CEP120: variants seen among roughly 807,000 people sequenced by gnomAD.
CEP120 encodes centrosomal protein of 120 kDa.
Under a neutral mutation model 126.5 loss-of-function variants are expected in CEP120, and 113 were observed. The ratio of observed to expected loss-of-function variants is 0.89; its 90% CI spans 0.77 to 1.04. CEP120 has a LOEUF of 1.04. Among genes scored for constraint, CEP120 ranks in the 50% least tolerant of loss-of-function variants. CEP120 has a pLI of 0.00. For missense variants in CEP120, 1,230 were observed against 1,155.7 expected, an observed-to-expected ratio of 1.06 and a Z score of -0.93; for synonymous variants, 400 against 394.3, an observed-to-expected ratio of 1.01 and a Z score of -0.17.
chr5:123,390,135 T>C lies in CEP120; in HGVS notation c.1044A>G (p.Leu348=), dbSNP rs755566595. The change falls in exon 8 of 20, where the codon TTA becomes TTG. Residue 348 remains leucine (L), a synonymous_variant. Transcript: ENST00000306467. ...LQREGIDSQS[L]IELKTQNEHE... ...GTTCATTCTGGGTCTTTAATTCAAT[T>C]AAAGACTAAAAACAATTTTTAAATA... 4 of 1,596,556 alleles carry C rather than the reference T, an allele frequency of 2.5e-6. No homozygotes were observed. The highest frequency in any genetic ancestry group is 1.7e-5 in the Admixed American group (1 of 57,454).
chr5:123,378,289 A>G, intron 15 of CEP120, 47 bp downstream of exon 15: 2 of 1,414,890 alleles, frequency 1.4e-6, no homozygotes, highest in Non-Finnish European at 1.9e-6. Flanking sequence ...CTACTTTGCA[A>G]TAAACCCCTC....
intron 18 of CEP120, among the ~76,000 whole-genome samples, chr5:123,361,083 CACTGTTCCCCTT>C: frequency 6.6e-6 from 1 of 151,778 alleles, no homozygotes; most frequent in South Asian, 2.1e-4. Flanking sequence ...CAATAGCTAA[CACTGTTCCCCTT>C]TTCAGCTGAT....
At position 123,346,430 on chromosome 5, in the gene CEP120, T is replaced by C. The variant is rs1768819565; in HGVS notation, c.*89A>G. 1.0e-6 allele frequency: 1 copy of C among 984,598 alleles called. No individual in the cohort carries two copies. Among genetic ancestry groups the C allele is most frequent in the African/African-American group, 1.6e-5 (1 of 61,142 alleles). The allele number at this position is 984,598 out of a possible 1,614,324, so 61.0% of individuals were successfully genotyped here. A position where few individuals can be genotyped will look rare whatever the true frequency, so the allele number is the denominator to read the frequency against. On this transcript the variant is annotated 3_prime_UTR_variant, in exon 20 of 20. Coordinates refer to ENST00000306467, the MANE Select transcript of CEP120 (RefSeq NM_001375405.1). Reference sequence around the variant, plus strand: ...CTTATAAAAAATTGAAAATACCATTTTAAAACATCCATTTTCCTCACTTTT... The same window carrying C: ...CTTATAAAAAATTGAAAATACCATTCTAAAACATCCATTTTCCTCACTTTT...
Position 123,364,528 on chromosome 5 carries a change from G to C in CEP120, c.2548C>G (p.Arg850Gly), listed in dbSNP as rs772596480. 1 of 1,606,540 alleles carries C rather than the reference G, an allele frequency of 6.2e-7. No homozygotes were observed. The highest frequency in any genetic ancestry group is 8.5e-7 in the Non-Finnish European group (1 of 1,175,122). The change falls in exon 18 of 20, where the codon CGA (arginine) becomes GGA (glycine). Residue 850 changes from arginine (R) to glycine (G), a missense_variant. Arg to Gly is a moderately radical substitution (Grantham distance 125). Coordinates refer to ENST00000306467, the MANE Select transcript of CEP120 (RefSeq NM_001375405.1). ...AGTCTGGCAAGTTCTTTCAAAGCTC[G>C]TCCCCACTGCTGCTTGTAATGCAGT... is the stretch of plus-strand genomic sequence containing the variant. The part of the protein sequence containing the change: ...SKLHYKQQWG[R>G]ALKELARLKQ...
intron 18 of CEP120, among the ~76,000 whole-genome samples, chr5:123,355,545 A>G (rs2126979716): frequency 6.6e-6 from 1 of 152,304 alleles, no homozygotes; most frequent in Middle Eastern, 3.4e-3. Context: ...AGTGATGATG[A>G]GCATTTTTTC....
chr5:123,368,238 A>G (rs1269407911), intron 17 of CEP120, among the ~76,000 whole-genome samples: 1 of 151,974 alleles, frequency 6.6e-6, no homozygotes, highest in Non-Finnish European at 1.5e-5. Flanking sequence ...GGGATGAATA[A>G]GATAACACCT....
At chr5:123,420,304 G>C (rs1184157357) in intron 1 of CEP120, among the ~76,000 whole-genome samples, 5 of 152,174 alleles carry the variant, frequency 3.3e-5, no homozygotes, top group African/African-American at 7.2e-5. Context: ...ACAAACAGAT[G>C]CCTGCCTTGC....
intron 17 of CEP120, among the ~76,000 whole-genome samples, chr5:123,372,166 G>C (rs958412897): frequency 6.6e-6 from 1 of 152,020 alleles, no homozygotes; most frequent in African/African-American, 2.4e-5. Flanking sequence ...TCCTATCTAG[G>C]ACATTGAATC....
chr5:123,371,321 A>C (rs1000515361), intron 17 of CEP120, among the ~76,000 whole-genome samples: 12 of 152,098 alleles, frequency 7.9e-5, no homozygotes, highest in African/African-American at 2.9e-4. Flanking sequence ...GTAGAAGGCA[A>C]GGAGGAGCAA....
chr5:123,370,170 G>A (rs1199052034), intron 17 of CEP120, among the ~76,000 whole-genome samples: 1 of 151,322 alleles, frequency 6.6e-6, no homozygotes, highest in South Asian at 2.1e-4. Context: ...GGAAAGTTTA[G>A]AATCTAGGTT....
intron 5 of CEP120, among the ~76,000 whole-genome samples, chr5:123,395,051 T>C (rs1772682526): frequency 1.3e-5 from 2 of 152,250 alleles, no homozygotes; most frequent in Non-Finnish European, 2.9e-5. Flanking sequence ...GTGATTATTC[T>C]GGAGGGGTTT....
chr5:123,409,280 T>C (rs1773884943), intron 4 of CEP120, among the ~76,000 whole-genome samples: 1 of 152,186 alleles, frequency 6.6e-6, no homozygotes, highest in South Asian at 2.1e-4. Flanking sequence ...GGAAACTTCC[T>C]CAACTTAATA....
intron 14 of CEP120, among the ~76,000 whole-genome samples, chr5:123,381,768 T>G (rs1580682597): frequency 8.3e-6 from 1 of 120,558 alleles, no homozygotes; most frequent in Non-Finnish European, 1.9e-5. Flanking sequence ...CACACACATA[T>G]TTTTTTTTAA....
intron 4 of CEP120, among the ~76,000 whole-genome samples, chr5:123,406,965 T>C (rs563908429): frequency 1.3e-5 from 2 of 152,084 alleles, no homozygotes; most frequent in African/African-American, 4.8e-5. Context: ...GGATTAGTAA[T>C]ATTTTATTTT....
chr5:123,345,266 G>T lies in CEP120; in HGVS notation c.*1253C>A, dbSNP rs1768728152. On this transcript the variant is annotated 3_prime_UTR_variant, in exon 20 of 20. Coordinates refer to ENST00000306467, the MANE Select transcript of CEP120 (RefSeq NM_001375405.1). ...TTATTTTTTACTAGATTAATACTCTGTTAATAAGGAAAAAATATATAATAA... is the reference window on the plus strand; with the variant it reads ...TTATTTTTTACTAGATTAATACTCTTTTAATAAGGAAAAAATATATAATAA... The T allele has an allele frequency of 6.6e-6, 1 of 151,748 alleles. No homozygotes were observed. The highest frequency in any genetic ancestry group is 1.5e-5 in the Non-Finnish European group (1 of 67,936). 9.4% of individuals were successfully genotyped at this position (151,748 alleles called of 1,614,324 possible).
intron 4 of CEP120, chr5:123,403,069 T>C (rs2127102116): frequency 1.1e-5 from 3 of 273,760 alleles, no homozygotes; most frequent in Non-Finnish European, 2.2e-5. Context: ...TGTTCTATCA[T>C]AGCAGCACAA....
Position 123,412,394 on chromosome 5 carries a change from CA to C in CEP120, c.463+4del. 6.3e-7 allele frequency: 1 copy of C among 1,593,866 alleles called. No individual in the cohort carries two copies. On this transcript the variant is annotated splice_donor_region_variant and intron_variant, in intron 4 of 19. Coordinates refer to ENST00000306467, the MANE Select transcript of CEP120 (RefSeq NM_001375405.1). ...AGAGAATGTTTTTAGAGATGATGCACAAACCTTTTCCATCTCGAGGGGGAGC... is the reference window on the plus strand; with the variant it reads ...AGAGAATGTTTTTAGAGATGATGCACAACCTTTTCCATCTCGAGGGGGAGC...
At chr5:123,402,062 C>G (rs1472720930) in intron 4 of CEP120, 3 of 1,591,956 alleles carry the variant, frequency 1.9e-6, no homozygotes, top group Non-Finnish European at 2.6e-6. Flanking sequence ...GGGTCTTGAT[C>G]TGCTCCTTCT....
intron 4 of CEP120, among the ~76,000 whole-genome samples, chr5:123,407,631 A>T (rs6595443): frequency 0.44 from 66,869 of 152,040 alleles, 14,651 homozygotes; most frequent in East Asian, 0.47. Context: ...TCCAACTTGG[A>T]GACTTTAACA....
Sources: allele counts gnomAD v4.1 joint callset (sites outside exome capture counted in the v4.1 genomes callset), GRCh38; gene constraint gnomAD v4.1.1; transcripts MANE v1.5; gene names NCBI Gene and HGNC (gene_info 2026-07-23, HGNC 2026-07-21).